Variants in COL28A1 observed in about 807,000 individuals in gnomAD.
COL28A1 encodes collagen alpha-1(XXVIII) chain.
A neutral mutation model predicts 150.2 loss-of-function variants in COL28A1; 161 were observed. The observed-to-expected ratio is 1.07, with a 90% confidence interval of 0.94 to 1.22. COL28A1 has a LOEUF of 1.22. Among genes scored for constraint, COL28A1 ranks in the 50% most tolerant of loss-of-function variants. The probability of loss-of-function intolerance (pLI) is 0.00; values close to 1 mark genes in which losing one functional copy is unlikely to be tolerated. For missense variants in COL28A1, 1,617 were observed against 1,388.3 expected, an observed-to-expected ratio of 1.16 and a Z score of -2.62; for synonymous variants, 552 against 469.7, an observed-to-expected ratio of 1.18 and a Z score of -2.26.
chr7:7,464,889 T>C (rs950826034), intron 15 of COL28A1, among the ~76,000 whole-genome samples: 2 of 151,924 alleles, frequency 1.3e-5, no homozygotes, highest in African/African-American at 4.8e-5. Flanking sequence ...TGATAGACCA[T>C]CAGCAAGATT....
the COL28A1 span, among the ~76,000 whole-genome samples, chr7:7,344,998 A>T: frequency 6.6e-6 from 1 of 152,002 alleles, no homozygotes; most frequent in Non-Finnish European, 1.5e-5. Context: ...TTTGGCCAAG[A>T]AATACACATA....
intron 5 of COL28A1, among the ~76,000 whole-genome samples, chr7:7,520,746 A>C (rs17521723): frequency 6.6e-6 from 1 of 152,152 alleles, no homozygotes; most frequent in Non-Finnish European, 1.5e-5. Flanking sequence ...CAAGAATGTG[A>C]CTAAAATTGT....
chr7:7,511,258 C>G, intron 8 of COL28A1, 123 bp from the exon 9 acceptor site: 1 of 730,568 alleles, frequency 1.4e-6, no homozygotes. Flanking sequence ...CTTTTGGTTT[C>G]TACACAATAT....
chr7:7,419,870 G>A lies in COL28A1; in HGVS notation c.2067+15C>T, dbSNP rs1784298220. 1 of 1,560,426 alleles carries A rather than the reference G, an allele frequency of 6.4e-7. No individual in the cohort carries two copies. Among genetic ancestry groups the A allele is most frequent in the Non-Finnish European group, 8.7e-7 (1 of 1,153,678 alleles). ...ATATCTGACCCTCACACAAAGCACT[G>A]AGCTGAGGACTCACCTTTGGCCCTT... On this transcript the variant is annotated intron_variant, in intron 26 of 34. Transcript: ENST00000399429.
chr7:7,511,963 G>T (rs1302597158), intron 8 of COL28A1: 2 of 320,058 alleles, frequency 6.2e-6, no homozygotes, highest in Non-Finnish European at 1.2e-5. Context: ...CAATTTTATA[G>T]ATTAAAATTT....
chr7:7,385,821 T>C (rs1164000823), intron 27 of COL28A1, among the ~76,000 whole-genome samples: 1 of 152,208 alleles, frequency 6.6e-6, no homozygotes, highest in African/African-American at 2.4e-5. Flanking sequence ...ATAAAGGCAA[T>C]TCATTTTCTT....
intron 16 of COL28A1, among the ~76,000 whole-genome samples, chr7:7,454,803 G>C (rs1258094632): frequency 1.3e-5 from 2 of 152,144 alleles, no homozygotes; most frequent in Non-Finnish European, 2.9e-5. Flanking sequence ...AAACTAAAAG[G>C]CTTGAGAATG....
intron 27 of COL28A1, among the ~76,000 whole-genome samples, chr7:7,395,407 T>C (rs1266078002): frequency 6.6e-6 from 1 of 152,236 alleles, no homozygotes; most frequent in Non-Finnish European, 1.5e-5. Flanking sequence ...ACTCTTTTCA[T>C]TTTACTATTA....
intron 27 of COL28A1, among the ~76,000 whole-genome samples, chr7:7,383,087 T>C (rs1444025775): frequency 6.6e-6 from 1 of 152,124 alleles, no homozygotes; most frequent in Non-Finnish European, 1.5e-5. Context: ...AACACCTATC[T>C]ACCACGTTAA....
At chr7:7,398,119 T>G (rs1289425936) in intron 27 of COL28A1, among the ~76,000 whole-genome samples, 1 of 152,204 alleles carries the variant, frequency 6.6e-6, no homozygotes, top group African/African-American at 2.4e-5. Context: ...GGGTAGAAAT[T>G]TGTTTTAATT....
intron 27 of COL28A1, among the ~76,000 whole-genome samples, chr7:7,395,443 C>G (rs1300682314): frequency 1.3e-5 from 2 of 152,028 alleles, no homozygotes; most frequent in Non-Finnish European, 2.9e-5. Context: ...TATCATTTTC[C>G]AACTTTTGCA....
intron 12 of COL28A1, 114 bp from the exon 13 acceptor site, chr7:7,489,571 G>T: frequency 1.4e-6 from 1 of 690,006 alleles, no homozygotes; most frequent in Non-Finnish European, 2.5e-6. Flanking sequence ...ACAAAATGTT[G>T]GTTTTCATAA....
downstream of COL28A1, among the ~76,000 whole-genome samples, chr7:7,355,942 C>T (rs1180756072): frequency 1.3e-5 from 2 of 152,124 alleles, no homozygotes; most frequent in African/African-American, 4.8e-5. Context: ...GAGAACTTAA[C>T]TGATCATAGA....
intron 11 of COL28A1, among the ~76,000 whole-genome samples, chr7:7,502,083 C>A (rs111233915): frequency 6.6e-6 from 1 of 151,908 alleles, no homozygotes; most frequent in Admixed American, 6.5e-5. Context: ...TTAGTAGAGA[C>A]GGGGTTTCAC....
At chr7:7,407,163 A>T (rs1783535961) in intron 27 of COL28A1, among the ~76,000 whole-genome samples, 1 of 152,008 alleles carries the variant, frequency 6.6e-6, no homozygotes, top group South Asian at 2.1e-4. Context: ...AAAAATATAT[A>T]TAAAAAAGAT....
chr7:7,482,516 ACT>A (rs947137609), intron 13 of COL28A1, among the ~76,000 whole-genome samples: 6 of 146,864 alleles, frequency 4.1e-5, no homozygotes, highest in African/African-American at 1.5e-4. Flanking sequence ...CAAGAGTGAG[ACT>A]CTGTCTCAGA....
intron 27 of COL28A1, among the ~76,000 whole-genome samples, chr7:7,403,267 T>G (rs1306681456): frequency 6.6e-6 from 1 of 152,070 alleles, no homozygotes; most frequent in African/African-American, 2.4e-5. Context: ...TGAAAGACTT[T>G]CAGTACAATC....
chr7:7,456,118 C>T lies in COL28A1; in HGVS notation c.1303-6G>A. 5 of 1,611,044 alleles carry T rather than the reference C, an allele frequency of 3.1e-6. No homozygotes were observed. The highest frequency in any genetic ancestry group is 4.2e-6 in the Non-Finnish European group (5 of 1,178,516). On this transcript the variant is annotated splice_region_variant and splice_polypyrimidine_tract_variant and intron_variant, in intron 15 of 34. Coordinates refer to ENST00000399429, the MANE Select transcript of COL28A1 (RefSeq NM_001037763.3). ...CCCACAGGTCCTATATCCCCCTGCA[C>T]AGAAAATAAGCCAGGAAATATAACA... is the stretch of plus-strand genomic sequence containing the variant.
intron 27 of COL28A1, among the ~76,000 whole-genome samples, chr7:7,384,917 T>C (rs1782092772): frequency 6.6e-6 from 1 of 151,932 alleles, no homozygotes; most frequent in Non-Finnish European, 1.5e-5. Context: ...GATGAATAGG[T>C]GGGAAAGTGT....
Sources: allele counts gnomAD v4.1 joint callset (sites outside exome capture counted in the v4.1 genomes callset), GRCh38; gene constraint gnomAD v4.1.1; transcripts MANE v1.5; gene names NCBI Gene and HGNC (gene_info 2026-07-23, HGNC 2026-07-21).